PCDHB5: variants seen among roughly 807,000 people sequenced by gnomAD.
PCDHB5 encodes protocadherin beta 5, also known as protocadherin beta-5.
For synonymous variants in PCDHB5, 569 were observed against 462.2 expected, an observed-to-expected ratio of 1.23 and a Z score of -2.96; for missense variants, 1,125 against 1,029.4, an observed-to-expected ratio of 1.09 and a Z score of -1.27.
Position 141,136,317 on chromosome 5 carries a change from G to C in PCDHB5, c.883G>C (p.Glu295Gln). 6.2e-7 allele frequency: 1 copy of C among 1,614,206 alleles called. No individual in the cohort carries two copies. The highest frequency in any genetic ancestry group is 8.5e-7 in the Non-Finnish European group (1 of 1,180,038). ...AGTTACTCAACCATTTGTAATAGACGAGAAAACAGCAGAAATTCGCCTGAA... is the reference window on the plus strand; with the variant it reads ...AGTTACTCAACCATTTGTAATAGACCAGAAAACAGCAGAAATTCGCCTGAA... Reference protein sequence around the residue: ...DEVTQPFVIDEKTAEIRLKRA... With the variant: ...DEVTQPFVIDQKTAEIRLKRA... The change falls in exon 1 of 1, where the codon GAG becomes CAG. Residue 295 changes from glutamate to glutamine, a missense_variant. Glu to Gln is a conservative substitution (Grantham distance 29, BLOSUM62 2). Coordinates refer to ENST00000231134, the MANE Select transcript of PCDHB5 (RefSeq NM_015669.5).
rs913045884 is a variant in PCDHB5, at chr5:141,138,041, G to A, written c.*219G>A. On this transcript the variant is annotated 3_prime_UTR_variant, in exon 1 of 1. Coordinates refer to ENST00000231134, the MANE Select transcript of PCDHB5 (RefSeq NM_015669.5). ...GTGTCATTCCAAATCCATGCATGCT[G>A]TTGATTTTCCTGAGATTTTTTTCTC... The A allele has an allele frequency of 1.0e-5, 5 of 490,220 alleles. No individual in the cohort carries two copies. In the South Asian group the frequency reaches 1.4e-4, roughly 14 times the overall value. 30.4% of individuals were successfully genotyped at this position (490,220 alleles called of 1,614,324 possible).
Position 141,137,621 on chromosome 5 carries a change from C to G in PCDHB5, c.2187C>G (p.Gly729=). The G allele has an allele frequency of 6.2e-7, 1 of 1,613,788 alleles. No homozygotes were observed. The highest frequency in any genetic ancestry group is 8.5e-7 in the Non-Finnish European group (1 of 1,180,040). The change falls in exon 1 of 1, where the codon GGC becomes GGG. Residue 729 remains glycine, a synonymous_variant. Coordinates refer to ENST00000231134, the MANE Select transcript of PCDHB5 (RefSeq NM_015669.5). ...APVGRCSVPE[G]PFPGHLVDVS... is the part of the protein sequence containing the mutation. ...TCGGTCGCTGCTCGGTGCCCGAGGG[C>G]CCCTTTCCAGGGCATCTGGTGGACG...
rs782303347 is a variant in PCDHB5, at chr5:141,135,756, C to G, written c.322C>G (p.Leu108Val). 3.1e-6 allele frequency: 5 copies of G among 1,614,044 alleles called. No individual in the cohort carries two copies. Among genetic ancestry groups the G allele is most frequent in the Non-Finnish European group, 3.4e-6 (4 of 1,179,944 alleles). ...AGAACCCTGTATATTGCATTTCCAG[C>G]TCTTACTAGAAAATCCAGTGCAGTT... ...ATEPCILHFQ[L>V]LLENPVQFFQ... Residue 108 changes from leucine (L) to valine (V), a missense_variant, in exon 1 of 1, where the codon CTC becomes GTC. Coordinates refer to ENST00000231134, the MANE Select transcript of PCDHB5 (RefSeq NM_015669.5).
Position 141,137,230 on chromosome 5 carries a change from C to T in PCDHB5, c.1796C>T (p.Ala599Val), listed in dbSNP as rs781820128. 5.6e-6 allele frequency: 9 copies of T among 1,610,984 alleles called. No individual in the cohort carries two copies. The highest frequency in any genetic ancestry group is 7.6e-6 in the Non-Finnish European group (9 of 1,179,650). Residue 599 changes from alanine to valine, a missense_variant, in exon 1 of 1, where the codon GCC becomes GTC. Ala to Val is a moderately conservative substitution (Grantham distance 64). Transcript: ENST00000231134. Reference protein sequence around the residue: ...VAVDGDSGQNAWLSYQLLKAT... With the variant: ...VAVDGDSGQNVWLSYQLLKAT... The stretch of plus-strand genomic sequence containing the variant: ...GTGGACGGTGACTCGGGCCAGAACG[C>T]CTGGCTGTCGTACCAGCTGCTCAAG...
chr5:141,138,078 ATTTG>A lies in PCDHB5; in HGVS notation c.*259_*262del, dbSNP rs1315610866. 2.4e-6 allele frequency: 1 copy of A among 424,172 alleles called. No individual in the cohort carries two copies. The highest frequency in any genetic ancestry group is 4.1e-5 in the Admixed American group (1 of 24,660). The allele number at this position is 424,172 out of a possible 1,614,324, so 26.3% of individuals were successfully genotyped here. A position where few individuals can be genotyped will look rare whatever the true frequency, so the allele number is the denominator to read the frequency against. ...GAGATTTTTTTCTCTTCTTGTTGGT[ATTTG>A]TTGTGATAAACCACCTTAATAAAAT... On this transcript the variant is annotated 3_prime_UTR_variant, in exon 1 of 1. Transcript: ENST00000231134.
rs1554275681 is a variant in PCDHB5, at chr5:141,135,480, T to G, written c.46T>G (p.Phe16Val). The G allele has an allele frequency of 1.2e-6, 2 of 1,613,442 alleles. No homozygotes were observed. The highest frequency in any genetic ancestry group is 2.2e-5 in the East Asian group (1 of 44,876). The change falls in exon 1 of 1, where the codon TTT (phenylalanine) becomes GTT (valine). Residue 16 changes from phenylalanine (F) to valine (V), a missense_variant. Phe to Val is a conservative substitution (Grantham distance 50). Coordinates refer to ENST00000231134, the MANE Select transcript of PCDHB5 (RefSeq NM_015669.5). ...AKTPQKRQVM[F>V]LAILLLLWEA... Reference sequence around the variant, plus strand: ...AACGCCACAGAAAAGGCAAGTTATGTTTCTTGCTATATTGTTGCTTTTGTG... The same window carrying G: ...AACGCCACAGAAAAGGCAAGTTATGGTTCTTGCTATATTGTTGCTTTTGTG...
Position 141,136,123 on chromosome 5 carries a change from T to C in PCDHB5, c.689T>C (p.Ile230Thr), listed in dbSNP as rs2149632719. 3.1e-6 allele frequency: 5 copies of C among 1,614,064 alleles called. No individual in the cohort carries two copies. Among genetic ancestry groups the C allele is most frequent in the South Asian group, 2.2e-5 (2 of 91,070 alleles). The change falls in exon 1 of 1, where the codon ATT becomes ACT. Residue 230 changes from isoleucine to threonine, a missense_variant. By Grantham distance (89) the Ile-to-Thr change is moderately conservative (BLOSUM62 -1). Coordinates refer to ENST00000231134, the MANE Select transcript of PCDHB5 (RefSeq NM_015669.5). ...PPRSGTTTIRIVVLDNNDNAP... is the reference protein window; with the variant it reads ...PPRSGTTTIRTVVLDNNDNAP... Reference sequence around the variant, plus strand: ...AGGTCCGGGACCACCACAATTCGCATTGTCGTCTTGGATAATAATGACAAC... The same window carrying C: ...AGGTCCGGGACCACCACAATTCGCACTGTCGTCTTGGATAATAATGACAAC...
In PCDHB5 at chr5:141,138,018, G is replaced by T; in HGVS notation, c.*196G>T. On this transcript the variant is annotated 3_prime_UTR_variant, in exon 1 of 1. Transcript: ENST00000231134. ...ATTTCATTGCATTTATTTACATAGT[G>T]TCATTCCAAATCCATGCATGCTGTT... The T allele has an allele frequency of 1.7e-6, 1 of 573,404 alleles. No individual in the cohort carries two copies. The highest frequency in any genetic ancestry group is 3.0e-6 in the Non-Finnish European group (1 of 329,444). The allele number at this position is 573,404 out of a possible 1,614,324, so 35.5% of individuals were successfully genotyped here. A position where few individuals can be genotyped will look rare whatever the true frequency, so the allele number is the denominator to read the frequency against.
Position 141,137,460 on chromosome 5 carries a change from G to A in PCDHB5, c.2026G>A (p.Ala676Thr). The A allele has an allele frequency of 2.5e-6, 4 of 1,612,500 alleles. No homozygotes were observed. The highest frequency in any genetic ancestry group is 3.4e-6 in the Non-Finnish European group (4 of 1,179,692). Residue 676 changes from alanine to threonine, a missense_variant, in exon 1 of 1, where the codon GCC (alanine) becomes ACC (threonine). Ala to Thr is a moderately conservative substitution (Grantham distance 58, BLOSUM62 0). Transcript: ENST00000231134. ...GCCCTACCTGCCGCTGCCGGAGGCGGCCCCGGCCCAGGCCCAGGCCGACTC... is the reference window on the plus strand; with the variant it reads ...GCCCTACCTGCCGCTGCCGGAGGCGACCCCGGCCCAGGCCCAGGCCGACTC... ...SQPYLPLPEA[A>T]PAQAQADSLT...
chr5:141,136,828 C>T lies in PCDHB5; in HGVS notation c.1394C>T (p.Pro465Leu), dbSNP rs781997498. ...YTLFVRENNS[P>L]ALHIGSVSAT... ...CTGTTCGTCCGAGAGAACAACAGCC[C>T]CGCCCTGCACATCGGCAGTGTCAGC... is the stretch of plus-strand genomic sequence containing the variant. Residue 465 changes from proline to leucine, a missense_variant, in exon 1 of 1, where the codon CCC becomes CTC. Transcript: ENST00000231134. The T allele has an allele frequency of 5.0e-6, 8 of 1,613,268 alleles. No homozygotes were observed. In the South Asian group the frequency reaches 8.8e-5, roughly 18 times the overall value.
Position 141,136,380 on chromosome 5 carries a change from G to C in PCDHB5, c.946G>C (p.Val316Leu). 1 of 1,614,058 alleles carries C rather than the reference G, an allele frequency of 6.2e-7. No individual in the cohort carries two copies. The highest frequency in any genetic ancestry group is 2.2e-5 in the East Asian group (1 of 44,876). The part of the protein sequence containing the change: ...LDFEATPYYN[V>L]EIVATDGGGL... The stretch of plus-strand genomic sequence containing the variant: ...TTTCGAGGCAACTCCATATTATAAC[G>C]TGGAAATTGTAGCCACAGATGGTGG... The change falls in exon 1 of 1, where the codon GTG (valine) becomes CTG (leucine). Residue 316 changes from valine to leucine, a missense_variant. Val to Leu is a conservative substitution (Grantham distance 32, BLOSUM62 1). Transcript: ENST00000231134.
Position 141,137,225 on chromosome 5 carries a change from G to A in PCDHB5, c.1791G>A (p.Gln597=), listed in dbSNP as rs1554276146. Residue 597 remains glutamine, a synonymous_variant, in exon 1 of 1, where the codon CAG becomes CAA. Coordinates refer to ENST00000231134, the MANE Select transcript of PCDHB5 (RefSeq NM_015669.5). The part of the protein sequence containing the change: ...KVVAVDGDSG[Q]NAWLSYQLLK... Reference sequence around the variant, plus strand: ...TGGCGGTGGACGGTGACTCGGGCCAGAACGCCTGGCTGTCGTACCAGCTGC... The same window carrying A: ...TGGCGGTGGACGGTGACTCGGGCCAAAACGCCTGGCTGTCGTACCAGCTGC... The A allele has an allele frequency of 3.8e-5, 62 of 1,610,888 alleles. No individual in the cohort carries two copies. The highest frequency in any genetic ancestry group is 5.0e-5 in the Non-Finnish European group (59 of 1,179,662).
In PCDHB5 at chr5:141,137,335, C is replaced by G; in HGVS notation, c.1901C>G (p.Ala634Gly). ...GCCAGGCTGCTGAGCGAGCGCGACG[C>G]GGCCAAGCACAGGCTGGTGGTGCTG... The part of the protein sequence containing the change: ...RTARLLSERD[A>G]AKHRLVVLVK... The change falls in exon 1 of 1, where the codon GCG becomes GGG. Residue 634 changes from alanine (A) to glycine (G), a missense_variant. Transcript: ENST00000231134. 6.2e-7 allele frequency: 1 copy of G among 1,609,848 alleles called. No homozygotes were observed. Among genetic ancestry groups the G allele is most frequent in the Non-Finnish European group, 8.5e-7 (1 of 1,179,548 alleles).
At position 141,136,823 on chromosome 5, in the gene PCDHB5, C is replaced by G. The variant is rs1752591507; in HGVS notation, c.1389C>G (p.Asn463Lys). The change falls in exon 1 of 1, where the codon AAC (asparagine) becomes AAG (lysine). Residue 463 changes from asparagine to lysine, a missense_variant. Transcript: ENST00000231134. ...TSYTLFVREN[N>K]SPALHIGSVS... Reference sequence around the variant, plus strand: ...ACACCCTGTTCGTCCGAGAGAACAACAGCCCCGCCCTGCACATCGGCAGTG... The same window carrying G: ...ACACCCTGTTCGTCCGAGAGAACAAGAGCCCCGCCCTGCACATCGGCAGTG... 2 of 1,613,504 alleles carry G rather than the reference C, an allele frequency of 1.2e-6. No homozygotes were observed. Among genetic ancestry groups the G allele is most frequent in the Non-Finnish European group, 1.7e-6 (2 of 1,180,040 alleles).
In PCDHB5 at chr5:141,137,920, GAGCTTTTAT is replaced by G; in HGVS notation, c.*99_*107del. ...TGGACAAAAATTTCACCTTGAGATT[GAGCTTTTAT>G]TTCCCTTTTTAATGGATTTGTCTGT... is the stretch of plus-strand genomic sequence containing the variant. On this transcript the variant is annotated 3_prime_UTR_variant, in exon 1 of 1. Coordinates refer to ENST00000231134, the MANE Select transcript of PCDHB5 (RefSeq NM_015669.5). 1 of 1,130,082 alleles carries G rather than the reference GAGCTTTTAT, an allele frequency of 8.8e-7. No homozygotes were observed. Among genetic ancestry groups the G allele is most frequent in the Middle Eastern group, 2.1e-4 (1 of 4,786 alleles). 70.0% of individuals were successfully genotyped at this position (1,130,082 alleles called of 1,614,324 possible). A position where few individuals can be genotyped will look rare whatever the true frequency, so the allele number is the denominator to read the frequency against.
In PCDHB5 at chr5:141,135,991, G is replaced by A. The variant is rs1554275790; in HGVS notation, c.557G>A (p.Gly186Glu). 2 of 1,614,222 alleles carry A rather than the reference G, an allele frequency of 1.2e-6. No individual in the cohort carries two copies. The highest frequency in any genetic ancestry group is 3.3e-5 in the Admixed American group (2 of 60,030). Residue 186 changes from glycine (G) to glutamate (E), a missense_variant, in exon 1 of 1, where the codon GGA becomes GAA. Transcript: ENST00000231134. ...SHFHVATHNR[G>E]DGRKYPELVL... is the part of the protein sequence containing the mutation. ...TTTCATGTTGCTACGCATAATCGCG[G>A]AGATGGCAGAAAATACCCAGAGCTG...
rs150324444 is a variant in PCDHB5 at position 141,137,008 on chromosome 5, C to T, written c.1574C>T (p.Ala525Val). The T allele has an allele frequency of 3.1e-6, 5 of 1,612,084 alleles. No individual in the cohort carries two copies. The highest frequency in any genetic ancestry group is 2.7e-5 in the African/African-American group (2 of 74,878). ...TCGCTGGACTACGAGGCCCTGCAGG[C>T]GTTCGAGTTCCGCGTGGGAGCCACA... The part of the protein sequence containing the change: ...LRSLDYEALQ[A>V]FEFRVGATDR... Residue 525 changes from alanine to valine, a missense_variant, in exon 1 of 1, where the codon GCG becomes GTG. Ala to Val is a moderately conservative substitution (Grantham distance 64, BLOSUM62 0). Transcript: ENST00000231134.
chr5:141,135,671 A>G lies in PCDHB5; in HGVS notation c.237A>G (p.Ile79Met). 3.1e-6 allele frequency: 5 copies of G among 1,614,148 alleles called. No individual in the cohort carries two copies. The highest frequency in any genetic ancestry group is 4.2e-6 in the Non-Finnish European group (5 of 1,180,042). Residue 79 changes from isoleucine to methionine, a missense_variant, in exon 1 of 1, where the codon ATA becomes ATG. Ile to Met is a conservative substitution (Grantham distance 10). Coordinates refer to ENST00000231134, the MANE Select transcript of PCDHB5 (RefSeq NM_015669.5). ...KGNKELLQLD[I>M]KTGNLLLYEK... ...ACAAAGAGCTCTTGCAGCTTGATAT[A>G]AAGACCGGCAATTTGCTTCTATATG...
rs782387058 is a variant in PCDHB5 at position 141,137,502 on chromosome 5, G to A, written c.2068G>A (p.Val690Met). 2.5e-6 allele frequency: 4 copies of A among 1,612,602 alleles called. No individual in the cohort carries two copies. The highest frequency in any genetic ancestry group is 3.4e-6 in the Non-Finnish European group (4 of 1,179,574). Residue 690 changes from valine to methionine, a missense_variant, in exon 1 of 1, where the codon GTG (valine) becomes ATG (methionine). Physicochemically the swap from Val to Met is conservative, Grantham distance 21. Transcript: ENST00000231134. ...GGCCGACTCGCTCACTGTCTACCTG[G>A]TGGTGGCATTGGCCTCGGTGTCGTC... ...AQADSLTVYL[V>M]VALASVSSLF...
Sources: allele counts gnomAD v4.1 joint callset, GRCh38; gene constraint gnomAD v4.1.1; transcripts MANE v1.5; gene names NCBI Gene and HGNC (gene_info 2026-07-23, HGNC 2026-07-21).